The following NTRK3 variants were observed in gnomAD, a reference collection of about 807,000 sequenced individuals.
NTRK3 encodes neurotrophic receptor tyrosine kinase 3, also known as NT-3 growth factor receptor.
NTRK3 carries 24 observed loss-of-function variants against 91.7 expected under a neutral mutation model. The observed-to-expected ratio is 0.26, with a 90% CI of 0.19 to 0.37. The LOEUF (loss-of-function observed/expected upper bound fraction) is 0.37, where lower values mean the gene tolerates loss of function less well. Among genes scored for constraint, NTRK3 ranks in the 10% least tolerant of loss-of-function variants. NTRK3 has a pLI of 1.00. For missense variants in NTRK3, 880 were observed against 1,068.9 expected (o/e 0.82, Z 2.46); for synonymous variants, 483 against 404.0 (o/e 1.20, Z -2.34).
At position 87,874,859 on chromosome 15, in the gene NTRK3, A is replaced by G. The variant is rs1430110856; in HGVS notation, c.*2076T>C. On this transcript the variant is annotated 3_prime_UTR_variant, in exon 19 of 19. Coordinates refer to ENST00000394480, the Ensembl canonical transcript of NTRK3. Reference sequence around the variant, plus strand: ...AGCAAAGGAGTTCCTTGAGGTGGTCAATCCAAACAGCTTTCCTGCAAAGTC... The same window carrying G: ...AGCAAAGGAGTTCCTTGAGGTGGTCGATCCAAACAGCTTTCCTGCAAAGTC... The G allele has an allele frequency of 2.2e-5, 5 of 231,678 alleles. No homozygotes were observed. The East Asian group carries it at 2.4e-4, about 11-fold the overall frequency. 14.4% of individuals were successfully genotyped at this position (231,678 alleles called of 1,614,324 possible).
At chr15:87,884,894 A>G (rs1293770671) in intron 17 of NTRK3, among the ~76,000 whole-genome samples, 1 of 151,862 alleles carries the variant, frequency 6.6e-6, no homozygotes, top group African/African-American at 2.4e-5. Context: ...TCTATCACGA[A>G]TTTTATGTGA....
At chr15:88,144,924 A>G (rs557302862) in intron 6 of NTRK3, among the ~76,000 whole-genome samples, 1 of 152,264 alleles carries the variant, frequency 6.6e-6, no homozygotes, top group South Asian at 2.1e-4. Context: ...ATGTTAAGGA[A>G]TTGCTGCACA....
At chr15:88,015,300 T>C (rs2077150985) in intron 14 of NTRK3, among the ~76,000 whole-genome samples, 1 of 152,234 alleles carries the variant, frequency 6.6e-6, no homozygotes, top group African/African-American at 2.4e-5. Flanking sequence ...AATTATTGTG[T>C]CAATAAGCTA....
Position 87,939,655 on chromosome 15 carries a change from C to T in NTRK3, c.1716+968G>A, listed in dbSNP as rs570345256. 4.6e-5 allele frequency among the ~76,000 whole-genome samples: 7 copies of T among 152,246 alleles called. No homozygotes were observed. The East Asian group carries it at 9.7e-4, about 21-fold the overall frequency. On this transcript the variant is annotated intron_variant, in intron 15 of 18. Coordinates refer to ENST00000394480, the Ensembl canonical transcript of NTRK3. ...TGTGAGGTCTGGGTGAATGTCTTCA[C>T]GGGGAGCCATATCTCTGGCATCGGT... is the stretch of plus-strand genomic sequence containing the variant.
intron 3 of NTRK3, among the ~76,000 whole-genome samples, chr15:88,188,261 C>G (rs1261190382): frequency 6.6e-6 from 1 of 152,082 alleles, no homozygotes; most frequent in Non-Finnish European, 1.5e-5. Flanking sequence ...CATCAGGTGC[C>G]CACTCCTACT....
At chr15:88,135,963 G>A (rs1202191097) in exon 9 of NTRK3, 2 of 1,614,234 alleles carry the variant, frequency 1.2e-6, no homozygotes, top group Non-Finnish European at 1.7e-6. Context: ...TGCACGTCAG[G>A]GTGAAGCCAT....
chr15:88,102,988 G>A (rs571240350), intron 13 of NTRK3, among the ~76,000 whole-genome samples: 24 of 152,258 alleles, frequency 1.6e-4, no homozygotes, highest in Non-Finnish European at 3.5e-4. Flanking sequence ...AGTACCTACT[G>A]GGCACAGAAT....
At chr15:88,179,225 T>C (rs1435296166) in intron 5 of NTRK3, among the ~76,000 whole-genome samples, 2 of 152,364 alleles carry the variant, frequency 1.3e-5, no homozygotes, top group East Asian at 1.9e-4. Context: ...AGCAGTTTTA[T>C]GTGGTTTTCT....
chr15:87,862,166 C>T (rs899413798), exon 19 of NTRK3: 9 of 220,244 alleles, frequency 4.1e-5, no homozygotes, highest in African/African-American at 1.1e-4. Context: ...TGTGCCATGG[C>T]CTTTTTTGCA....
intron 3 of NTRK3, among the ~76,000 whole-genome samples, chr15:88,214,144 G>C (rs938943707): frequency 1.3e-5 from 2 of 152,110 alleles, no homozygotes; most frequent in Middle Eastern, 3.2e-3. Context: ...AGCCACTGTA[G>C]AGTTTCCCGG....
At chr15:87,891,463 G>A (rs2065854845) in intron 17 of NTRK3, among the ~76,000 whole-genome samples, 1 of 152,150 alleles carries the variant, frequency 6.6e-6, no homozygotes, top group Non-Finnish European at 1.5e-5. Context: ...GTACATTCAA[G>A]CAAAATTTTG....
At chr15:87,951,997 C>T (rs565521152) in intron 14 of NTRK3, among the ~76,000 whole-genome samples, 4 of 152,068 alleles carry the variant, frequency 2.6e-5, no homozygotes, top group African/African-American at 7.2e-5. Flanking sequence ...CGTGATGGCA[C>T]GCACCTGTAA....
intron 14 of NTRK3, among the ~76,000 whole-genome samples, chr15:87,975,051 T>C (rs564159182): frequency 3.7e-4 from 57 of 152,318 alleles, no homozygotes; most frequent in African/African-American, 1.3e-3. Flanking sequence ...GAGCTAGTTA[T>C]TCAATCTTTC....
intron 13 of NTRK3, among the ~76,000 whole-genome samples, chr15:88,084,365 T>C (rs74347272): frequency 0.031 from 4,648 of 152,240 alleles, 229 homozygotes; most frequent in African/African-American, 0.1. Context: ...AAAATTGTTC[T>C]CCTGTTCACA....
At chr15:88,252,669 T>A (rs1254721085) in intron 3 of NTRK3, 1 of 152,304 alleles carries the variant, frequency 6.6e-6, no homozygotes, top group Non-Finnish European at 1.5e-5. Context: ...CTTTGTGACG[T>A]CACAGCCTGG....
chr15:88,004,377 A>T (rs1015906033), intron 14 of NTRK3, among the ~76,000 whole-genome samples: 3 of 152,222 alleles, frequency 2.0e-5, no homozygotes, highest in Non-Finnish European at 2.9e-5. Flanking sequence ...GATGATCAGA[A>T]AAACGGGCAG....
intron 13 of NTRK3, among the ~76,000 whole-genome samples, chr15:88,110,763 G>T (rs570717355): frequency 6.6e-6 from 1 of 152,302 alleles, no homozygotes; most frequent in East Asian, 1.9e-4. Context: ...TGAGACTGGG[G>T]ACATGGCAGG....
intron 17 of NTRK3, among the ~76,000 whole-genome samples, chr15:87,886,398 C>T (rs896455430): frequency 6.6e-6 from 1 of 151,582 alleles, no homozygotes; most frequent in African/African-American, 2.4e-5. Flanking sequence ...AATTTGTTCA[C>T]CATTAAAGTT....
chr15:88,238,186 C>T (rs986624524), intron 3 of NTRK3, among the ~76,000 whole-genome samples: 11 of 152,270 alleles, frequency 7.2e-5, no homozygotes, highest in South Asian at 2.1e-4. Context: ...TTCCAGCCTC[C>T]GGAACCATAA....
Sources: allele counts gnomAD v4.1 joint callset (sites outside exome capture counted in the v4.1 genomes callset), GRCh38; gene constraint gnomAD v4.1.1; transcripts MANE v1.5; gene names NCBI Gene and HGNC (gene_info 2026-07-23, HGNC 2026-07-21).